GNAO1: variants seen among roughly 807,000 people sequenced by gnomAD.
GNAO1 encodes the protein guanine nucleotide-binding protein G(o) subunit alpha.
For missense variants in GNAO1, 166 were observed against 478.7 expected, an observed-to-expected ratio of 0.35 and a Z score of 6.10; for synonymous variants, 164 against 180.7, an observed-to-expected ratio of 0.91 and a Z score of 0.74.
intron 3 of GNAO1, among the ~76,000 whole-genome samples, chr16:56,289,596 A>G (rs899238): frequency 1 from 152,322 of 152,332 alleles, 76,156 homozygotes; most frequent in Middle Eastern, 1. Context: ...GATCAGTCCA[A>G]AAGGCTCCCG....
rs575723929 is a variant in GNAO1 at position 56,253,767 on chromosome 16, G to C, written c.162-22164G>C. Among the ~76,000 whole-genome samples the C allele has an allele frequency of 1.1e-4, 17 of 152,350 alleles. No individual in the cohort carries two copies. In the South Asian group the frequency reaches 3.3e-3, roughly 30 times the overall value. On this transcript the variant is annotated intron_variant, in intron 2 of 8. Coordinates refer to ENST00000262493, the MANE Select transcript of GNAO1 (RefSeq NM_020988.3). ...CTTTGCCATCACATGGAAGCAGAGT[G>C]GGGGACATGTGGCAGCTTGTGGGAT...
chr16:56,260,254 G>A (rs1188041530), intron 2 of GNAO1, among the ~76,000 whole-genome samples: 1 of 152,148 alleles, frequency 6.6e-6, no homozygotes, highest in Non-Finnish European at 1.5e-5. Flanking sequence ...AGTGACAATG[G>A]GCAGTGTGGG....
At chr16:56,328,889 C>A (rs564270274) in intron 4 of GNAO1, 98 bp downstream of exon 4, 3 of 1,266,604 alleles carry the variant, frequency 2.4e-6, no homozygotes, top group African/African-American at 1.5e-5. Flanking sequence ...GGATTCTCGG[C>A]TGAGGTCACG....
intron 2 of GNAO1, among the ~76,000 whole-genome samples, chr16:56,204,140 C>A (rs1003108548): frequency 3.3e-5 from 5 of 152,118 alleles, no homozygotes; most frequent in Non-Finnish European, 7.4e-5. Flanking sequence ...GAGAGTATAT[C>A]AGAGAACTCC....
At chr16:56,242,112 C>T (rs534369787) in intron 2 of GNAO1, among the ~76,000 whole-genome samples, 32 of 152,304 alleles carry the variant, frequency 2.1e-4, no homozygotes, top group South Asian at 1.0e-3. Context: ...ATGCATTGGA[C>T]TCTCACTGCA....
intron 2 of GNAO1, among the ~76,000 whole-genome samples, chr16:56,223,553 T>C (rs1214573436): frequency 2.6e-5 from 4 of 152,184 alleles, no homozygotes; most frequent in Non-Finnish European, 5.9e-5. Flanking sequence ...GTTCCAGGGA[T>C]TAGGATGTGG....
chr16:56,283,134 ATTAT>A (rs748471252), intron 3 of GNAO1, among the ~76,000 whole-genome samples: 17 of 152,220 alleles, frequency 1.1e-4, no homozygotes, highest in Non-Finnish European at 2.2e-4. Context: ...TTGTGTGGCT[ATTAT>A]TTTAAGCTAT....
At chr16:56,320,925 C>T (rs1204013665) in intron 3 of GNAO1, among the ~76,000 whole-genome samples, 1 of 152,190 alleles carries the variant, frequency 6.6e-6, no homozygotes, top group Non-Finnish European at 1.5e-5. Flanking sequence ...CTACTGAATC[C>T]CCCAGACTGC....
In GNAO1 at chr16:56,289,032, A is replaced by AG. The variant is rs1567470658; in HGVS notation, c.303+12960_303+12961insG. Among the ~76,000 whole-genome samples, 225 of 136,624 alleles carry AG rather than the reference A, an allele frequency of 1.6e-3. 1 individual carries two copies. Among genetic ancestry groups the AG allele is most frequent in the African/African-American group, 5.5e-3 (209 of 37,812 alleles). The allele number at this position is 136,624 out of a possible 152,430, so 89.6% of individuals were successfully genotyped here. A position where few individuals can be genotyped will look rare whatever the true frequency, so the allele number is the denominator to read the frequency against. On this transcript the variant is annotated intron_variant, in intron 3 of 8. Coordinates refer to ENST00000262493, the MANE Select transcript of GNAO1 (RefSeq NM_020988.3). ...CAAGGTTCTTCCTTTGTATCCAAAA[A>AG]AGGGGGGGGGAGCGGAAAAAAGAGA...
chr16:56,333,238 A>T (rs1346173805), intron 4 of GNAO1, among the ~76,000 whole-genome samples: 11 of 143,292 alleles, frequency 7.7e-5, no homozygotes, highest in Non-Finnish European at 1.5e-4. Flanking sequence ...CCCGAGACAG[A>T]GTCTTGCTCT....
intron 3 of GNAO1, among the ~76,000 whole-genome samples, chr16:56,324,494 C>T (rs2037610534): frequency 6.6e-6 from 1 of 152,200 alleles, no homozygotes; most frequent in South Asian, 2.1e-4. Flanking sequence ...GGGAAAGTAC[C>T]CCAAGATTGC....
At chr16:56,259,375 T>G (rs1221047035) in intron 2 of GNAO1, among the ~76,000 whole-genome samples, 1 of 151,994 alleles carries the variant, frequency 6.6e-6, no homozygotes, top group African/African-American at 2.4e-5. Flanking sequence ...TTGTGCCACA[T>G]CTAATGCTGG....
chr16:56,222,104 GA>G (rs1463082765), intron 2 of GNAO1, among the ~76,000 whole-genome samples: 2 of 152,198 alleles, frequency 1.3e-5, no homozygotes, highest in Admixed American at 6.5e-5. Flanking sequence ...AGGAGATTGA[GA>G]AAGCCTTTAT....
chr16:56,346,931 G>A, intron 6 of GNAO1: 2 of 985,440 alleles, frequency 2.0e-6, no homozygotes, highest in Non-Finnish European at 2.4e-6. Context: ...GCCAACATGA[G>A]TCCTGCAGTG....
At chr16:56,286,620 C>T (rs1330646410) in intron 3 of GNAO1, among the ~76,000 whole-genome samples, 1 of 152,130 alleles carries the variant, frequency 6.6e-6, no homozygotes, top group Non-Finnish European at 1.5e-5. Flanking sequence ...TCACCAAGCA[C>T]AAGGTGCATC....
At chr16:56,246,490 G>C (rs1340160095) in intron 2 of GNAO1, among the ~76,000 whole-genome samples, 1 of 151,102 alleles carries the variant, frequency 6.6e-6, no homozygotes, top group Non-Finnish European at 1.5e-5. Context: ...GGGTACTTCT[G>C]GATACTGGAC....
At chr16:56,204,064 TG>T (rs1333078333) in intron 2 of GNAO1, among the ~76,000 whole-genome samples, 1 of 152,028 alleles carries the variant, frequency 6.6e-6, no homozygotes, top group African/African-American at 2.4e-5. Flanking sequence ...AGAAGTTGGA[TG>T]GGGGAGAGAT....
chr16:56,346,148 T>TA (rs1178500241), intron 6 of GNAO1: 4 of 985,182 alleles, frequency 4.1e-6, no homozygotes, highest in Non-Finnish European at 4.8e-6. Flanking sequence ...CACCCTAGCC[T>TA]GGGGGTGGTC....
chr16:56,283,488 C>A lies in GNAO1; in HGVS notation c.303+7416C>A, dbSNP rs56287217. ...TTGGATCTCCTCTGGTAAAAGAAAT[C>A]TTGACATTTAAGTCACACAATGGAG... On this transcript the variant is annotated intron_variant, in intron 3 of 8. Transcript: ENST00000262493. Among the ~76,000 whole-genome samples the A allele has an allele frequency of 1.3e-3, 203 of 152,322 alleles. 1 individual carries two copies. The highest frequency in any genetic ancestry group is 3.4e-3 in the Middle Eastern group (1 of 294).
Sources: allele counts gnomAD v4.1 joint callset (sites outside exome capture counted in the v4.1 genomes callset), GRCh38; gene constraint gnomAD v4.1.1; transcripts MANE v1.5; gene names NCBI Gene and HGNC (gene_info 2026-07-23, HGNC 2026-07-21).